The following MYO3B variants were observed in gnomAD, a reference collection of about 807,000 sequenced individuals.
MYO3B encodes the protein myosin IIIB, also known as myosin-IIIb.
In MYO3B, 156 loss-of-function variants were observed where a neutral mutation model predicts 174.6. The observed-to-expected ratio is 0.89, with a 90% CI of 0.78 to 1.02. The LOEUF is 1.02. Ranked by LOEUF, MYO3B falls within the 50% of genes least tolerant of loss-of-function variation. The pLI is 0.00. For missense variants in MYO3B, 1,632 were observed against 1,639.4 expected (o/e 1.00, Z 0.08); for synonymous variants, 563 against 569.1 (o/e 0.99, Z 0.15).
chr2:170,369,704 A>G (rs2094226009), intron 9 of MYO3B, among the ~76,000 whole-genome samples: 1 of 131,490 alleles, frequency 7.6e-6, no homozygotes, highest in African/African-American at 2.9e-5. Context: ...TTTTTTTTTT[A>G]CCAATAGAGG....
At chr2:170,341,771 A>C (rs945255967) in intron 8 of MYO3B, among the ~76,000 whole-genome samples, 2 of 152,228 alleles carry the variant, frequency 1.3e-5, no homozygotes, top group African/African-American at 2.4e-5. Context: ...TTTCATGAGA[A>C]GAACAAATAA....
In MYO3B at chr2:170,653,038, G is replaced by T. The variant is rs747718884; in HGVS notation, c.3943G>T (p.Asp1315Tyr). The T allele has an allele frequency of 7.4e-6, 12 of 1,614,166 alleles. No homozygotes were observed. In the South Asian group the frequency reaches 1.3e-4, roughly 18 times the overall value. ...DEYYKSLSPV[D>Y]CIPEENNSAH... is the part of the protein sequence containing the mutation. ...ATATTACAAATCTCTGTCACCAGTG[G>T]ACTGTATCCCTGAGGAGAACAACTC... The change falls in exon 35 of 35, where the codon GAC becomes TAC. Residue 1315 changes from aspartate to tyrosine, a missense_variant. Asp to Tyr is a radical substitution (Grantham distance 160, BLOSUM62 -3). Coordinates refer to ENST00000408978, the MANE Select transcript of MYO3B (RefSeq NM_138995.5).
chr2:170,601,642 C>T (rs997698749), intron 32 of MYO3B: 2 of 1,325,238 alleles, frequency 1.5e-6, no homozygotes, highest in African/African-American at 2.9e-5. Flanking sequence ...TCTTCCTCCT[C>T]ATAATCCTCT....
chr2:170,262,195 A>G (rs774718547), intron 7 of MYO3B, among the ~76,000 whole-genome samples: 7 of 152,222 alleles, frequency 4.6e-5, no homozygotes, highest in Non-Finnish European at 8.8e-5. Context: ...AGAATTTTCA[A>G]AAGGATGGGG....
At chr2:170,401,852 G>A (rs557837128) in intron 18 of MYO3B, among the ~76,000 whole-genome samples, 161 bp downstream of exon 18, 1 of 149,320 alleles carries the variant, frequency 6.7e-6, no homozygotes, top group Non-Finnish European at 1.5e-5. Flanking sequence ...GCCCAGGCCG[G>A]AGTGCAGTGG....
intron 16 of MYO3B, among the ~76,000 whole-genome samples, chr2:170,397,427 A>T (rs181547598): frequency 2.0e-5 from 3 of 152,284 alleles, no homozygotes; most frequent in Non-Finnish European, 2.9e-5. Flanking sequence ...TTTTTGTGAA[A>T]GTACTTTTCT....
At chr2:170,379,652 A>G (rs967507029) in intron 9 of MYO3B, among the ~76,000 whole-genome samples, 3 of 152,230 alleles carry the variant, frequency 2.0e-5, no homozygotes, top group Admixed American at 6.5e-5. Flanking sequence ...CTGTATTACA[A>G]ACCAATTTGA....
At position 170,326,290 on chromosome 2, in the gene MYO3B, G is replaced by A. The variant is rs188602953; in HGVS notation, c.750-9095G>A. On this transcript the variant is annotated intron_variant, in intron 7 of 34. Transcript: ENST00000408978. ...TGGAAAAGCATTTAGAGAACAACAT[G>A]ATCTATTTGAAACACATCTCTTTAA... Among the ~76,000 whole-genome samples the A allele has an allele frequency of 3.9e-5, 6 of 151,920 alleles. No individual in the cohort carries two copies. The East Asian group carries it at 1.2e-3, about 29-fold the overall frequency.
intron 32 of MYO3B, among the ~76,000 whole-genome samples, chr2:170,572,482 G>A (rs113079937): frequency 0.3 from 45,442 of 151,256 alleles, 8,027 homozygotes; most frequent in Non-Finnish European, 0.39. Context: ...GAGTGTGGTG[G>A]TGTGCTCCTG....
At chr2:170,289,287 G>T (rs55724587) in intron 7 of MYO3B, among the ~76,000 whole-genome samples, 45,831 of 151,906 alleles carry the variant, frequency 0.3, 7,060 homozygotes, top group South Asian at 0.43. Context: ...GAGTAAGATT[G>T]TTACTGGTTA....
chr2:170,563,827 G>C (rs750291022), intron 32 of MYO3B, among the ~76,000 whole-genome samples: 1 of 152,162 alleles, frequency 6.6e-6, no homozygotes, highest in South Asian at 2.1e-4. Flanking sequence ...CTATAAAAAG[G>C]ATTTTCCTAG....
chr2:170,473,367 C>T (rs1302165366), intron 25 of MYO3B, among the ~76,000 whole-genome samples: 1 of 151,880 alleles, frequency 6.6e-6, no homozygotes, highest in Non-Finnish European at 1.5e-5. Context: ...AGGATGGTCT[C>T]GATCTCCTGA....
intron 22 of MYO3B, among the ~76,000 whole-genome samples, chr2:170,411,119 G>T: frequency 6.6e-6 from 1 of 152,334 alleles, no homozygotes; most frequent in Non-Finnish European, 1.5e-5. Context: ...CTGGTAGCTA[G>T]ATTGCCACTG....
intron 1 of MYO3B, among the ~76,000 whole-genome samples, chr2:170,196,813 C>T (rs149734149): frequency 2.8e-4 from 42 of 152,190 alleles, no homozygotes; most frequent in African/African-American, 9.6e-4. Flanking sequence ...ATAGCCCTTC[C>T]CCAAAACTCA....
In MYO3B at chr2:170,243,702, C is replaced by T. The variant is rs574389318; in HGVS notation, c.749+7566C>T. Among the ~76,000 whole-genome samples the T allele has an allele frequency of 8.5e-5, 13 of 152,298 alleles. No individual in the cohort carries two copies. The South Asian group carries it at 2.5e-3, about 29-fold the overall frequency. ...AAAATATCTCAAGGGCATATTTATA[C>T]TGTAAGGAATTTTCTTTCCCTTGTA... On this transcript the variant is annotated intron_variant, in intron 7 of 34. Transcript: ENST00000408978.
At chr2:170,331,824 C>T (rs536353675) in intron 7 of MYO3B, among the ~76,000 whole-genome samples, 1 of 152,304 alleles carries the variant, frequency 6.6e-6, no homozygotes, top group East Asian at 1.9e-4. Flanking sequence ...TTCCTTGGCT[C>T]ATGGCCACTT....
chr2:170,231,280 T>C (rs1220609252), intron 6 of MYO3B, among the ~76,000 whole-genome samples: 2 of 152,222 alleles, frequency 1.3e-5, no homozygotes, highest in Non-Finnish European at 2.9e-5. Flanking sequence ...GCCTCAACAA[T>C]TGAAGACAGA....
At chr2:170,443,693 A>G (rs530763589) in intron 22 of MYO3B, among the ~76,000 whole-genome samples, 2 of 151,968 alleles carry the variant, frequency 1.3e-5, no homozygotes, top group South Asian at 2.1e-4. Flanking sequence ...TTTTATTTCT[A>G]ATTTGTTCAG....
chr2:170,404,178 T>G, intron 19 of MYO3B, 69 bp from the exon 20 acceptor site: 5 of 1,478,182 alleles, frequency 3.4e-6, no homozygotes, highest in Non-Finnish European at 4.6e-6. Context: ...AGAAAGTCCA[T>G]GTCAAAGTAT....
Sources: gnomAD v4.1 joint callset for allele counts (sites outside exome capture counted in the v4.1 genomes callset) on GRCh38, gnomAD v4.1.1 for gene constraint, MANE v1.5 for transcripts, NCBI Gene and HGNC (gene_info 2026-07-23, HGNC 2026-07-21) for gene names.